Variants in CDH20 observed in about 807,000 individuals in gnomAD.
CDH20 encodes cadherin 20, also known as cadherin-20.
A neutral mutation model predicts 74.2 loss-of-function variants in CDH20; 29 were observed. That is an observed-to-expected ratio of 0.39 (90% CI 0.29 to 0.53). The LOEUF (loss-of-function observed/expected upper bound fraction) is 0.53. Ranked by LOEUF, CDH20 falls within the 20% of genes least tolerant of loss-of-function variation. The pLI, the probability that CDH20 is intolerant of heterozygous loss-of-function variation, is 0.69. For missense variants in CDH20, 988 were observed against 1,048.3 expected (o/e 0.94, Z 0.79); for synonymous variants, 469 against 405.4 (o/e 1.16, Z -1.88).
intron 7 of CDH20, among the ~76,000 whole-genome samples, chr18:61,531,538 TAAC>T (rs1912639862): frequency 6.6e-6 from 1 of 152,184 alleles, no homozygotes; most frequent in African/African-American, 2.4e-5. Context: ...TAAAAGTAAA[TAAC>T]AATTTATGCT....
intron 1 of CDH20, among the ~76,000 whole-genome samples, chr18:61,450,458 T>C (rs1909347294): frequency 6.6e-6 from 1 of 151,742 alleles, no homozygotes; most frequent in Non-Finnish European, 1.5e-5. Context: ...CTAAAGGGAA[T>C]GATAATATTA....
rs949227897 is a variant in CDH20 at position 61,410,672 on chromosome 18, A to G, written c.-153+76845A>G. Among the ~76,000 whole-genome samples the G allele has an allele frequency of 2.0e-5, 3 of 152,246 alleles. No individual in the cohort carries two copies. In the South Asian group the frequency reaches 6.2e-4, roughly 31 times the overall value. On this transcript the variant is annotated intron_variant, in intron 1 of 11. Coordinates refer to ENST00000262717, the MANE Select transcript of CDH20 (RefSeq NM_031891.4). ...GTGACAAATGATGGAATGGAAAATA[A>G]ATGGTTTAAAAACAACTAAATATTA...
chr18:61,530,006 G>C (rs1354739732), intron 7 of CDH20, among the ~76,000 whole-genome samples: 1 of 152,150 alleles, frequency 6.6e-6, no homozygotes, highest in Non-Finnish European at 1.5e-5. Context: ...CTGTTCTGGG[G>C]CAGGACTGCA....
chr18:61,516,856 C>T (rs570738550), intron 6 of CDH20, among the ~76,000 whole-genome samples: 1 of 151,892 alleles, frequency 6.6e-6, no homozygotes, highest in African/African-American at 2.4e-5. Flanking sequence ...TGTGTCAGTA[C>T]ATAAATAATT....
intron 1 of CDH20, among the ~76,000 whole-genome samples, chr18:61,390,697 T>C (rs1460874379): frequency 6.6e-6 from 1 of 151,966 alleles, no homozygotes; most frequent in Non-Finnish European, 1.5e-5. Context: ...ATTTGGTAAA[T>C]AAAAAAGATA....
At chr18:61,505,151 C>T (rs975337683) in intron 5 of CDH20, among the ~76,000 whole-genome samples, 5 of 152,066 alleles carry the variant, frequency 3.3e-5, no homozygotes, top group African/African-American at 1.2e-4. Context: ...ACAGGTGTCT[C>T]TGATGGAGGC....
intron 5 of CDH20, among the ~76,000 whole-genome samples, chr18:61,505,189 C>T (rs930578818): frequency 2.0e-4 from 30 of 152,258 alleles, no homozygotes; most frequent in Admixed American, 5.2e-4. Flanking sequence ...CAGCTAATTA[C>T]ATAGCTCAGG....
intron 8 of CDH20, among the ~76,000 whole-genome samples, chr18:61,537,106 A>G (rs1261206632): frequency 6.6e-6 from 1 of 152,116 alleles, no homozygotes; most frequent in Non-Finnish European, 1.5e-5. Flanking sequence ...AATGGAATGG[A>G]AGATTAATAA....
At chr18:61,354,893 G>A (rs1221809507) in intron 1 of CDH20, among the ~76,000 whole-genome samples, 1 of 152,106 alleles carries the variant, frequency 6.6e-6, no homozygotes, top group Non-Finnish European at 1.5e-5. Context: ...TAAACATGTT[G>A]TCCATAAATA....
At chr18:61,515,887 C>T (rs1911984104) in intron 6 of CDH20, among the ~76,000 whole-genome samples, 1 of 151,324 alleles carries the variant, frequency 6.6e-6, no homozygotes, top group South Asian at 2.1e-4. Flanking sequence ...ATGTAACTAA[C>T]CTGCACAATG....
intron 6 of CDH20, among the ~76,000 whole-genome samples, chr18:61,525,443 G>A (rs1490784676): frequency 6.6e-6 from 1 of 152,148 alleles, no homozygotes; most frequent in East Asian, 1.9e-4. Flanking sequence ...AAAGAAAAAT[G>A]TTTCGATTTA....
chr18:61,395,000 C>A (rs183032550), intron 1 of CDH20, among the ~76,000 whole-genome samples: 1 of 152,190 alleles, frequency 6.6e-6, no homozygotes, highest in Admixed American at 6.5e-5. Context: ...TCTGCAGCTA[C>A]CTTCAGTGGA....
chr18:61,412,145 A>C (rs1325369095), intron 1 of CDH20, among the ~76,000 whole-genome samples: 3 of 152,124 alleles, frequency 2.0e-5, no homozygotes, highest in Non-Finnish European at 2.9e-5. Flanking sequence ...CAAAGAGTTA[A>C]AAGTTTCCAT....
intron 1 of CDH20, among the ~76,000 whole-genome samples, chr18:61,472,469 C>A (rs17068340): frequency 0.014 from 2,088 of 152,242 alleles, 57 homozygotes; most frequent in African/African-American, 0.048. Flanking sequence ...TCCTGACATA[C>A]AGTGGGAGCT....
intron 1 of CDH20, among the ~76,000 whole-genome samples, chr18:61,415,037 G>T (rs1912639380): frequency 1.3e-5 from 2 of 151,980 alleles, no homozygotes; most frequent in Admixed American, 1.3e-4. Context: ...GACATCATTT[G>T]CAAGTCAAAG....
intron 1 of CDH20, among the ~76,000 whole-genome samples, chr18:61,374,587 G>A (rs931160023): frequency 6.6e-6 from 1 of 152,070 alleles, no homozygotes; most frequent in African/African-American, 2.4e-5. Flanking sequence ...CTAGCATTTT[G>A]CACAGAATTA....
chr18:61,449,811 G>A (rs2144334917), intron 1 of CDH20, among the ~76,000 whole-genome samples: 1 of 151,872 alleles, frequency 6.6e-6, no homozygotes, highest in South Asian at 2.1e-4. Flanking sequence ...CTGGATAACT[G>A]AACAGGGAGG....
At chr18:61,375,833 T>C (rs556449129) in intron 1 of CDH20, among the ~76,000 whole-genome samples, 1 of 152,258 alleles carries the variant, frequency 6.6e-6, no homozygotes, top group African/African-American at 2.4e-5. Context: ...ACTACTACTG[T>C]CTTTAATCTC....
Position 61,349,414 on chromosome 18 carries a change from G to A in CDH20, c.-153+15587G>A, listed in dbSNP as rs117180755. ...TATGTCTTCCCAGGTTGAGATGTAT[G>A]AATATGAGACATCCAGGAAATAGGC... is the stretch of plus-strand genomic sequence containing the variant. On this transcript the variant is annotated intron_variant, in intron 1 of 11. Coordinates refer to ENST00000262717, the MANE Select transcript of CDH20 (RefSeq NM_031891.4). Among the ~76,000 whole-genome samples, 140 of 152,278 alleles carry A rather than the reference G, an allele frequency of 9.2e-4. 1 individual carries two copies. In the East Asian group the frequency reaches 0.023, roughly 25 times the overall value.
Sources: gnomAD v4.1 joint callset for allele counts (sites outside exome capture counted in the v4.1 genomes callset) on GRCh38, gnomAD v4.1.1 for gene constraint, MANE v1.5 for transcripts, NCBI Gene and HGNC (gene_info 2026-07-23, HGNC 2026-07-21) for gene names.